The following SMKR1 variants were observed in gnomAD, a reference collection of about 807,000 sequenced individuals.
The protein encoded by SMKR1 is small lysine rich protein 1, also known as small lysine-rich protein 1.
In SMKR1, 4 loss-of-function variants were observed where a neutral mutation model predicts 4.0. The ratio of observed to expected loss-of-function variants is 1.00; its 90% CI spans 0.49 to 2.30. The LOEUF (loss-of-function observed/expected upper bound fraction) is 2.30, where lower values mean the gene tolerates loss of function less well. SMKR1 is among the 30% of genes most tolerant of loss of function. The pLI, the probability that SMKR1 is intolerant of heterozygous loss-of-function variation, is 0.02. For missense variants in SMKR1, 56 were observed against 81.8 expected, an observed-to-expected ratio of 0.68 and a Z score of 1.22; for synonymous variants, 38 against 32.5, an observed-to-expected ratio of 1.17 and a Z score of -0.58.
At chr7:129,506,431 G>T (rs970279366) in intron 1 of SMKR1, among the ~76,000 whole-genome samples, 1 of 152,116 alleles carries the variant, frequency 6.6e-6, no homozygotes, top group Non-Finnish European at 1.5e-5. Context: ...AACAGAGTGA[G>T]ACCTGTTTCA....
chr7:129,509,206 G>A (rs903693565), intron 1 of SMKR1, among the ~76,000 whole-genome samples: 2 of 152,140 alleles, frequency 1.3e-5, no homozygotes, highest in African/African-American at 4.8e-5. Flanking sequence ...CCAGCTATTC[G>A]GGAGGCTGAG....
chr7:129,506,525 G>A (rs564519083), intron 1 of SMKR1, among the ~76,000 whole-genome samples: 1 of 152,274 alleles, frequency 6.6e-6, no homozygotes, highest in African/African-American at 2.4e-5. Context: ...AATCAAGATT[G>A]TAAATACAGC....
In SMKR1 at chr7:129,509,396, G is replaced by A. The variant is rs531147883; in HGVS notation, c.4-2851G>A. 3.3e-5 allele frequency among the ~76,000 whole-genome samples: 5 copies of A among 152,170 alleles called. No homozygotes were observed. In the South Asian group the frequency reaches 6.2e-4, roughly 19 times the overall value. On this transcript the variant is annotated intron_variant, in intron 1 of 1. Coordinates refer to ENST00000462322, the MANE Select transcript of SMKR1 (RefSeq NM_001195243.2). ...TGTACATCCCGTACCTCATGGGGCT[G>A]TTTTACCAGGAGAATGCAGTTACAT... is the stretch of plus-strand genomic sequence containing the variant.
chr7:129,509,608 T>C (rs963615206), intron 1 of SMKR1, among the ~76,000 whole-genome samples: 2 of 152,052 alleles, frequency 1.3e-5, no homozygotes, highest in Non-Finnish European at 2.9e-5. Context: ...TGGCGTGATC[T>C]CGACTCACTG....
At chr7:129,510,105 T>C (rs77029360) in intron 1 of SMKR1, among the ~76,000 whole-genome samples, 2,849 of 152,278 alleles carry the variant, frequency 0.019, 46 homozygotes, top group Non-Finnish European at 0.029. Flanking sequence ...CAAATATAAA[T>C]GTAAAACCAA....
intron 1 of SMKR1, 86 bp from the exon 2 acceptor site, chr7:129,512,161 G>C: frequency 7.8e-7 from 1 of 1,283,452 alleles, no homozygotes; most frequent in Non-Finnish European, 1.0e-6. Flanking sequence ...TCCAGCCTGG[G>C]TGTTGGGAGT....
intron 1 of SMKR1, among the ~76,000 whole-genome samples, chr7:129,510,668 C>G (rs1799516277): frequency 6.6e-6 from 1 of 152,152 alleles, no homozygotes; most frequent in Admixed American, 6.5e-5. Flanking sequence ...GTCAGGGTTA[C>G]AGTAAGCTGA....
intron 1 of SMKR1, among the ~76,000 whole-genome samples, chr7:129,506,864 C>CTTTTTTCT (rs1554390054): frequency 3.0e-5 from 4 of 132,260 alleles, no homozygotes; most frequent in African/African-American, 1.1e-4. Context: ...TCTTTCTTTT[C>CTTTTTTCT]TTTTTTTTTT....
In SMKR1 at chr7:129,512,670, T is replaced by TATAG; in HGVS notation, c.*229_*230insATAG. The TATAG allele has an allele frequency of 2.1e-6, 1 of 476,374 alleles. No individual in the cohort carries two copies. Among genetic ancestry groups the TATAG allele is most frequent in the Non-Finnish European group, 3.7e-6 (1 of 273,300 alleles). The allele number at this position is 476,374 out of a possible 1,614,324, so 29.5% of individuals were successfully genotyped here. The stretch of plus-strand genomic sequence containing the variant: ...TAGGAGCTATAGGATGGGAAAAGCC[T>TATAG]GAGTAATTCCTACACAGTGTGCTGA... On this transcript the variant is annotated 3_prime_UTR_variant, in exon 2 of 2. Transcript: ENST00000462322.
chr7:129,505,275 G>C (rs1238097836), intron 1 of SMKR1, among the ~76,000 whole-genome samples: 1 of 152,162 alleles, frequency 6.6e-6, no homozygotes, highest in Non-Finnish European at 1.5e-5. Flanking sequence ...CGGGGAAGGA[G>C]ATGGACAGTG....
At chr7:129,510,551 T>A (rs1056634240) in intron 1 of SMKR1, among the ~76,000 whole-genome samples, 1 of 152,094 alleles carries the variant, frequency 6.6e-6, no homozygotes, top group African/African-American at 2.4e-5. Context: ...CTAGGCAACA[T>A]AGCGAGACTG....
intron 1 of SMKR1, among the ~76,000 whole-genome samples, chr7:129,507,598 A>G (rs1028647860): frequency 1.3e-5 from 2 of 152,240 alleles, no homozygotes; most frequent in African/African-American, 4.8e-5. Context: ...AAGAGGCTGC[A>G]AACTGTTTTT....
chr7:129,510,514 G>A (rs1314822384), intron 1 of SMKR1, among the ~76,000 whole-genome samples: 1 of 152,164 alleles, frequency 6.6e-6, no homozygotes, highest in Non-Finnish European at 1.5e-5. Flanking sequence ...TGGGAAGCTC[G>A]TTTGAGACCA....
chr7:129,510,930 T>C (rs1292752275), intron 1 of SMKR1, among the ~76,000 whole-genome samples: 5 of 152,100 alleles, frequency 3.3e-5, no homozygotes, highest in African/African-American at 1.2e-4. Flanking sequence ...TACCTCAGCC[T>C]CCTGAGCAGC....
intron 1 of SMKR1, among the ~76,000 whole-genome samples, chr7:129,503,971 G>A (rs35294314): frequency 0.19 from 29,549 of 151,778 alleles, 3,527 homozygotes; most frequent in Admixed American, 0.26. Flanking sequence ...CGGACCGTAG[G>A]CAGGCATCAC....
chr7:129,504,757 T>C (rs991309839), intron 1 of SMKR1, among the ~76,000 whole-genome samples: 3 of 152,206 alleles, frequency 2.0e-5, no homozygotes, highest in African/African-American at 7.2e-5. Flanking sequence ...TTTTGCCATC[T>C]TTCCCAGACT....
chr7:129,502,678 C>G lies in SMKR1; in HGVS notation c.-147C>G, dbSNP rs928138262. ...GGCGTGGCGGGGAGGCGTAGTGAGGCTGGGCCCGTGGCGGTTCCCTGAGGA... is the reference window on the plus strand; with the variant it reads ...GGCGTGGCGGGGAGGCGTAGTGAGGGTGGGCCCGTGGCGGTTCCCTGAGGA... On this transcript the variant is annotated 5_prime_UTR_variant, in exon 1 of 2. Coordinates refer to ENST00000462322, the MANE Select transcript of SMKR1 (RefSeq NM_001195243.2). 3 of 1,252,506 alleles carry G rather than the reference C, an allele frequency of 2.4e-6. No homozygotes were observed. Among genetic ancestry groups the G allele is most frequent in the Non-Finnish European group, 3.3e-6 (3 of 905,100 alleles). 77.6% of individuals were successfully genotyped at this position (1,252,506 alleles called of 1,614,324 possible). A position where few individuals can be genotyped will look rare whatever the true frequency, so the allele number is the denominator to read the frequency against.
intron 1 of SMKR1, among the ~76,000 whole-genome samples, chr7:129,509,034 G>T (rs186116604): frequency 3.6e-4 from 55 of 152,322 alleles, no homozygotes; most frequent in Non-Finnish European, 6.2e-4. Context: ...TGAGACCCAG[G>T]CCAGGTGTGG....
At chr7:129,504,733 T>C (rs1004073139) in intron 1 of SMKR1, among the ~76,000 whole-genome samples, 3 of 152,190 alleles carry the variant, frequency 2.0e-5, no homozygotes, top group African/African-American at 7.2e-5. Context: ...TTTTAAATTT[T>C]TGTAGAGACC....
Sources: allele counts gnomAD v4.1 joint callset (sites outside exome capture counted in the v4.1 genomes callset), GRCh38; gene constraint gnomAD v4.1.1; transcripts MANE v1.5; gene names NCBI Gene and HGNC (gene_info 2026-07-23, HGNC 2026-07-21).